Variants in RPH3AL observed in about 807,000 individuals in gnomAD.
The protein encoded by RPH3AL is rabphilin 3A like (without C2 domains).
Under a neutral mutation model 43.1 loss-of-function variants are expected in RPH3AL, and 38 were observed. The ratio of observed to expected loss-of-function variants is 0.88; its 90% CI spans 0.68 to 1.15. The LOEUF is 1.15. Ranked by LOEUF, RPH3AL falls within the 50% of genes most tolerant of loss-of-function variation. The pLI is 0.00. For missense variants in RPH3AL, 462 were observed against 423.2 expected, an observed-to-expected ratio of 1.09 and a Z score of -0.81; for synonymous variants, 189 against 176.3, an observed-to-expected ratio of 1.07 and a Z score of -0.57.
Position 274,221 on chromosome 17 carries a change from C to G in RPH3AL, c.438+7547G>C, listed in dbSNP as rs545757269. Among the ~76,000 whole-genome samples, 2 of 152,222 alleles carry G rather than the reference C, an allele frequency of 1.3e-5. No individual in the cohort carries two copies. The highest frequency in any genetic ancestry group is 2.4e-5 in the African/African-American group (1 of 41,464). On this transcript the variant is annotated intron_variant, in intron 6 of 9. Transcript: ENST00000331302. The surrounding 1 kb of genome is among the most constrained non-coding windows in gnomAD (Gnocchi z 4.7). ...CCATGAAAGCACGTGGAAAAGGCAC[C>G]GCGAAACCCCAGCCCGGGGCCTCTG...
At chr17:224,461 G>T (rs563356873) in intron 7 of RPH3AL, among the ~76,000 whole-genome samples, 1 of 152,216 alleles carries the variant, frequency 6.6e-6, no homozygotes, top group Admixed American at 6.5e-5. Flanking sequence ...GTCTTCTCCA[G>T]GAAGCCCTCC....
At chr17:252,754 G>C (rs1408757358) in intron 6 of RPH3AL, among the ~76,000 whole-genome samples, 1 of 152,192 alleles carries the variant, frequency 6.6e-6, no homozygotes, top group African/African-American at 2.4e-5. Context: ...GCTTGGGACA[G>C]AAGTGCTTCA....
chr17:329,781 C>T (rs959139949), intron 2 of RPH3AL, among the ~76,000 whole-genome samples: 7 of 152,208 alleles, frequency 4.6e-5, no homozygotes, highest in South Asian at 2.1e-4. Flanking sequence ...CAGGTTGTTT[C>T]GCTGAAGTCC....
At chr17:242,918 AC>A (rs67366488) in intron 7 of RPH3AL, among the ~76,000 whole-genome samples, 523 of 43,782 alleles carry the variant, frequency 0.012, 19 homozygotes, top group Non-Finnish European at 0.015. Context: ...TCTATTGATT[AC>A]CCTTCCTCTA....
intron 5 of RPH3AL, among the ~76,000 whole-genome samples, chr17:300,013 T>C (rs996713418): frequency 1.1e-3 from 96 of 91,198 alleles, no homozygotes; most frequent in African/African-American, 3.6e-3. Flanking sequence ...AGCCTAGGCC[T>C]GCAGAATCTC....
chr17:268,552 G>GGTTTTTTTT (rs1567600217), intron 6 of RPH3AL, among the ~76,000 whole-genome samples: 4 of 102,576 alleles, frequency 3.9e-5, no homozygotes, highest in Admixed American at 1.2e-4. Flanking sequence ...TATGTTTTTG[G>GGTTTTTTTT]GTTTTTTTTT....
intron 7 of RPH3AL, among the ~76,000 whole-genome samples, chr17:230,880 C>T (rs542228752): frequency 1.8e-4 from 27 of 152,198 alleles, no homozygotes; most frequent in Middle Eastern, 3.4e-3. Context: ...GAGACAGGGT[C>T]TCGCTATGTT....
At chr17:252,917 A>G (rs2051462587) in intron 6 of RPH3AL, among the ~76,000 whole-genome samples, 3 of 152,220 alleles carry the variant, frequency 2.0e-5, no homozygotes, top group Admixed American at 6.5e-5. Flanking sequence ...TACTCAGCCT[A>G]TATTCCACAG....
chr17:218,710 A>G (rs1367881531), intron 8 of RPH3AL, among the ~76,000 whole-genome samples: 1 of 152,084 alleles, frequency 6.6e-6, no homozygotes, highest in African/African-American at 2.4e-5. Context: ...GCCCCCGTTA[A>G]CCCTCTTTCA....
chr17:334,304 T>A (rs1367545420), intron 1 of RPH3AL, among the ~76,000 whole-genome samples: 1 of 152,252 alleles, frequency 6.6e-6, no homozygotes. Flanking sequence ...CGCAGCTGTC[T>A]GTCTCTAACA....
chr17:272,910 G>A (rs938916241), intron 6 of RPH3AL, among the ~76,000 whole-genome samples: 23 of 151,904 alleles, frequency 1.5e-4, no homozygotes, highest in African/African-American at 5.1e-4. Flanking sequence ...CAGTGGCGAC[G>A]TGAGATCCCA....
chr17:327,185 A>G (rs1204047327), intron 3 of RPH3AL, among the ~76,000 whole-genome samples: 1 of 152,254 alleles, frequency 6.6e-6, no homozygotes, highest in Non-Finnish European at 1.5e-5. Flanking sequence ...CTAAGGAGTC[A>G]GCTGGACCCA....
chr17:228,205 A>AT (rs1002406741), intron 7 of RPH3AL, among the ~76,000 whole-genome samples: 8 of 152,046 alleles, frequency 5.3e-5, no homozygotes, highest in Admixed American at 3.3e-4. Flanking sequence ...CCAGTTTCCT[A>AT]TTTTTTATTT....
chr17:290,629 C>G lies in RPH3AL; in HGVS notation c.352-8775G>C, dbSNP rs1018356507. On this transcript the variant is annotated intron_variant, in intron 5 of 9. Coordinates refer to ENST00000331302, the MANE Select transcript of RPH3AL (RefSeq NM_006987.4). This position sits in a 1 kb window ranked among gnomAD's most constrained non-coding sequence, Gnocchi z 4.2. ...AAGAGTCACAATGCGACAGAAGGTTCTGCTGGGCCACTCCAAAGTTCAGGT... is the reference window on the plus strand; with the variant it reads ...AAGAGTCACAATGCGACAGAAGGTTGTGCTGGGCCACTCCAAAGTTCAGGT... 6.6e-6 allele frequency among the ~76,000 whole-genome samples: 1 copy of G among 151,976 alleles called. No homozygotes were observed. Among genetic ancestry groups the G allele is most frequent in the African/African-American group, 2.4e-5 (1 of 41,346 alleles).
chr17:262,487 T>G lies in RPH3AL; in HGVS notation c.439-15202A>C, dbSNP rs373860266. Among the ~76,000 whole-genome samples the G allele has an allele frequency of 1.3e-4, 20 of 152,136 alleles. 1 individual carries two copies. Among genetic ancestry groups the G allele is most frequent in the Admixed American group, 9.2e-4 (14 of 15,298 alleles). ...CCTCGGCCTCCCAAAGTGCTGGGAT[T>G]ACAGGCGTGAGCCACCGCACCCGGC... On this transcript the variant is annotated intron_variant, in intron 6 of 9. Coordinates refer to ENST00000331302, the MANE Select transcript of RPH3AL (RefSeq NM_006987.4).
intron 6 of RPH3AL, among the ~76,000 whole-genome samples, chr17:271,000 C>T (rs1437721554): frequency 1.3e-5 from 2 of 152,194 alleles, no homozygotes; most frequent in African/African-American, 4.8e-5. Flanking sequence ...GTATGGCTAG[C>T]CAGTTTTCCC....
chr17:317,797 A>T (rs1397545415), intron 5 of RPH3AL, among the ~76,000 whole-genome samples: 1 of 152,188 alleles, frequency 6.6e-6, no homozygotes. Context: ...CAGCTTTTGA[A>T]TGCCCCTGAA....
At chr17:269,672 T>C (rs1323674402) in intron 6 of RPH3AL, among the ~76,000 whole-genome samples, 1 of 152,160 alleles carries the variant, frequency 6.6e-6, no homozygotes, top group Non-Finnish European at 1.5e-5. Flanking sequence ...CCCGTGGGGA[T>C]GAAGCGAGAT....
chr17:307,331 ACGGCAGGTCCTCCCCG>A (rs1405608726), intron 5 of RPH3AL, among the ~76,000 whole-genome samples: 19 of 42,766 alleles, frequency 4.4e-4, no homozygotes, highest in Non-Finnish European at 4.2e-4. Flanking sequence ...GGTCCTCCCC[ACGGCAGGTCCTCCCCG>A]CGGCAGGTCC....
Sources: gnomAD v4.1 joint callset for allele counts (sites outside exome capture counted in the v4.1 genomes callset) on GRCh38, gnomAD v4.1.1 for gene constraint, Gnocchi (gnomAD v3.1) non-coding constraint, MANE v1.5 for transcripts, NCBI Gene and HGNC (gene_info 2026-07-23, HGNC 2026-07-21) for gene names.